RGS6: variants seen among roughly 807,000 people sequenced by gnomAD.
The protein encoded by RGS6 is regulator of G-protein signaling 6.
Under a neutral mutation model 78.5 loss-of-function variants are expected in RGS6, and 30 were observed. The observed-to-expected ratio is 0.38, with a 90% confidence interval of 0.29 to 0.52. The LOEUF is 0.52. Among genes scored for constraint, RGS6 ranks in the 20% least tolerant of loss-of-function variants. RGS6 has a pLI of 0.85. For missense variants in RGS6, 495 were observed against 609.7 expected, an observed-to-expected ratio of 0.81 and a Z score of 1.98; for synonymous variants, 206 against 206.0, an observed-to-expected ratio of 1.00 and a Z score of 0.00.
chr14:72,030,703 T>G (rs1280854128), intron 2 of RGS6, among the ~76,000 whole-genome samples: 5 of 152,236 alleles, frequency 3.3e-5, no homozygotes, highest in Admixed American at 1.3e-4. Context: ...CAAACAATTA[T>G]AATGTAATTG....
chr14:72,377,438 C>T (rs1321903876), intron 3 of RGS6, among the ~76,000 whole-genome samples: 1 of 151,980 alleles, frequency 6.6e-6, no homozygotes, highest in East Asian at 1.9e-4. Context: ...GACTACAATA[C>T]AATAATAGTT....
intron 2 of RGS6, among the ~76,000 whole-genome samples, chr14:72,179,960 CAGA>C (rs2097153701): frequency 6.6e-6 from 1 of 152,162 alleles, no homozygotes; most frequent in African/African-American, 2.4e-5. Flanking sequence ...ACAGCACTGT[CAGA>C]AGAACAACTC....
chr14:72,381,608 G>C (rs2086129916), intron 3 of RGS6, among the ~76,000 whole-genome samples: 1 of 151,986 alleles, frequency 6.6e-6, no homozygotes, highest in African/African-American at 2.4e-5. Flanking sequence ...CTTTCAACAA[G>C]AGCAAAATTA....
intron 3 of RGS6, among the ~76,000 whole-genome samples, chr14:72,395,744 C>T (rs1318149195): frequency 6.6e-6 from 1 of 151,824 alleles, no homozygotes; most frequent in Non-Finnish European, 1.5e-5. Flanking sequence ...CATGTGTTCT[C>T]ATTGTTCAAT....
chr14:72,454,024 A>G (rs147691543), intron 3 of RGS6, among the ~76,000 whole-genome samples: 111 of 152,384 alleles, frequency 7.3e-4, no homozygotes, highest in Non-Finnish European at 1.4e-3. Flanking sequence ...GCTATGGCAC[A>G]GTGAGGAGAG....
intron 9 of RGS6, among the ~76,000 whole-genome samples, chr14:72,473,161 C>T (rs1255976204): frequency 6.6e-6 from 1 of 152,174 alleles, no homozygotes; most frequent in African/African-American, 2.4e-5. Flanking sequence ...ATTATTCATT[C>T]GGCCGGGCAT....
At chr14:72,417,522 A>G (rs1332616312) in intron 3 of RGS6, among the ~76,000 whole-genome samples, 1 of 152,164 alleles carries the variant, frequency 6.6e-6, no homozygotes, top group African/African-American at 2.4e-5. Context: ...ATTTGGAGAC[A>G]AGAAACCTTT....
chr14:72,308,169 T>C (rs1188771463), intron 2 of RGS6, among the ~76,000 whole-genome samples: 1 of 152,220 alleles, frequency 6.6e-6, no homozygotes, highest in African/African-American at 2.4e-5. Flanking sequence ...TTCTCTTGTT[T>C]ATTTTGGGTT....
chr14:71,950,709 A>G (rs919271126), intron 1 of RGS6, among the ~76,000 whole-genome samples: 11 of 152,196 alleles, frequency 7.2e-5, no homozygotes, highest in African/African-American at 2.7e-4. Flanking sequence ...AGGAACTTAA[A>G]TTTATGAGCA....
In RGS6 at chr14:72,020,571, T is replaced by TCTTCTA. The variant is rs35643528; in HGVS notation, c.84+55697_84+55698insTTCTAC. 2.0e-5 allele frequency among the ~76,000 whole-genome samples: 3 copies of TCTTCTA among 151,976 alleles called. No homozygotes were observed. The East Asian group carries it at 5.8e-4, about 29-fold the overall frequency. On this transcript the variant is annotated intron_variant, in intron 2 of 17. Coordinates refer to ENST00000553525, the MANE Select transcript of RGS6 (RefSeq NM_001204424.2). ...TAACTGCTCTGTGAATTCTTCTTCTTCCTGATGACTAAGTGTGACTATTCT... is the reference window on the plus strand; with the variant it reads ...TAACTGCTCTGTGAATTCTTCTTCTTCTTCTACCTGATGACTAAGTGTGACTATTCT...
In RGS6 at chr14:72,074,200, T is replaced by G. The variant is rs181468685; in HGVS notation, c.84+109325T>G. ...TGGTAGTACAAGAGTCAGCATTTCT[T>G]ATTTATTTTTCTATGAGGCAGGGTC... On this transcript the variant is annotated intron_variant, in intron 2 of 17. Transcript: ENST00000553525. Among the ~76,000 whole-genome samples, 343 of 152,298 alleles carry G rather than the reference T, an allele frequency of 2.3e-3. 3 individuals carry two copies. Among genetic ancestry groups the G allele is most frequent in the African/African-American group, 7.9e-3 (329 of 41,566 alleles).
chr14:72,551,516 C>T (rs1436894720), intron 17 of RGS6, among the ~76,000 whole-genome samples: 1 of 152,182 alleles, frequency 6.6e-6, no homozygotes, highest in Non-Finnish European at 1.5e-5. Flanking sequence ...ACATTTCCCC[C>T]AACTGCATTC....
chr14:72,082,734 GA>G (rs993555586), intron 2 of RGS6, among the ~76,000 whole-genome samples: 9 of 152,108 alleles, frequency 5.9e-5, no homozygotes, highest in East Asian at 1.9e-4. Flanking sequence ...CAAATGATGG[GA>G]AAAAAACCGG....
chr14:72,383,025 T>C (rs574948938), intron 3 of RGS6, among the ~76,000 whole-genome samples: 1 of 151,724 alleles, frequency 6.6e-6, no homozygotes, highest in East Asian at 1.9e-4. Context: ...TGTTTTCTTC[T>C]TTTTACTGGG....
chr14:72,072,534 C>T (rs1450741430), intron 2 of RGS6, among the ~76,000 whole-genome samples: 3 of 151,958 alleles, frequency 2.0e-5, no homozygotes, highest in Non-Finnish European at 4.4e-5. Flanking sequence ...GTGTCGATCT[C>T]CTGACCTCAG....
At chr14:72,330,213 T>C (rs2074695271) in intron 2 of RGS6, among the ~76,000 whole-genome samples, 1 of 152,242 alleles carries the variant, frequency 6.6e-6, no homozygotes, top group Non-Finnish European at 1.5e-5. Context: ...TCTTTGTCCT[T>C]GACAATTAAT....
chr14:72,483,239 C>T (rs951913736), intron 12 of RGS6, among the ~76,000 whole-genome samples: 5 of 152,204 alleles, frequency 3.3e-5, no homozygotes, highest in Middle Eastern at 3.2e-3. Flanking sequence ...CGACCCATAG[C>T]GAGCTTACAC....
At chr14:71,963,422 C>A (rs1370830033) in intron 1 of RGS6, among the ~76,000 whole-genome samples, 1 of 152,202 alleles carries the variant, frequency 6.6e-6, no homozygotes, top group African/African-American at 2.4e-5. Context: ...AATTCAGTGG[C>A]ATTTCATGCT....
At chr14:72,454,042 G>T (rs1352306659) in intron 3 of RGS6, among the ~76,000 whole-genome samples, 1 of 152,236 alleles carries the variant, frequency 6.6e-6, no homozygotes, top group African/African-American at 2.4e-5. Flanking sequence ...GAGGAAAGAG[G>T]TCTTGGTGAA....
Sources: gnomAD v4.1 joint callset for allele counts (sites outside exome capture counted in the v4.1 genomes callset) on GRCh38, gnomAD v4.1.1 for gene constraint, MANE v1.5 for transcripts, NCBI Gene and HGNC (gene_info 2026-07-23, HGNC 2026-07-21) for gene names.